SV2C: variants seen among roughly 807,000 people sequenced by gnomAD.
The protein encoded by SV2C is solute carrier family 22 member B3.
SV2C carries 49 observed loss-of-function variants against 79.7 expected under a neutral mutation model. That is an observed-to-expected ratio of 0.61 (90% CI 0.49 to 0.78). The LOEUF (loss-of-function observed/expected upper bound fraction) is 0.78, where lower values mean the gene tolerates loss of function less well. SV2C is among the 30% of genes least tolerant of loss of function. The probability of loss-of-function intolerance (pLI) is 0.00; values close to 1 mark genes in which losing one functional copy is unlikely to be tolerated. For synonymous variants in SV2C, 334 were observed against 333.2 expected, an observed-to-expected ratio of 1.00 and a Z score of -0.03; for missense variants, 833 against 912.9, an observed-to-expected ratio of 0.91 and a Z score of 1.13.
At chr5:76,256,865 TA>T (rs759632808) in intron 4 of SV2C, among the ~76,000 whole-genome samples, 22 of 152,374 alleles carry the variant, frequency 1.4e-4, no homozygotes, top group South Asian at 4.1e-4. Flanking sequence ...AAAAACTTGT[TA>T]AACAGACTTA....
chr5:75,973,886 C>G, the SV2C span, among the ~76,000 whole-genome samples: 1 of 151,864 alleles, frequency 6.6e-6, no homozygotes, highest in East Asian at 1.9e-4. Context: ...ATTTCTGCCT[C>G]AAAACATCTA....
intron 2 of SV2C, among the ~76,000 whole-genome samples, chr5:76,160,773 T>C (rs909396094): frequency 6.6e-6 from 1 of 152,166 alleles, no homozygotes; most frequent in African/African-American, 2.4e-5. Context: ...AATAAGCACA[T>C]GAGAAGATGC....
chr5:76,102,605 C>T (rs1172794463), intron 1 of SV2C, among the ~76,000 whole-genome samples: 1 of 152,184 alleles, frequency 6.6e-6, no homozygotes, highest in Non-Finnish European at 1.5e-5. Flanking sequence ...GGCATAATCC[C>T]AGAGAACACA....
At chr5:76,057,235 GTTTTT>G in the SV2C span, among the ~76,000 whole-genome samples, 1 of 150,756 alleles carries the variant, frequency 6.6e-6, no homozygotes, top group African/African-American at 2.4e-5. Flanking sequence ...TAAGTTTTTT[GTTTTT>G]TTTTATACTT....
At chr5:76,245,911 A>AGTGTGT (rs58481475) in intron 4 of SV2C, among the ~76,000 whole-genome samples, 38 of 145,376 alleles carry the variant, frequency 2.6e-4, no homozygotes, top group African/African-American at 8.5e-4. Flanking sequence ...GAGGCAGGGG[A>AGTGTGT]GTGTGTGTGT....
chr5:75,978,508 T>C, the SV2C span, among the ~76,000 whole-genome samples: 1 of 152,222 alleles, frequency 6.6e-6, no homozygotes, highest in Non-Finnish European at 1.5e-5. Flanking sequence ...GCATTTGAAA[T>C]TGGGCTGTGT....
At chr5:75,850,673 A>G in the SV2C span, among the ~76,000 whole-genome samples, 1 of 152,162 alleles carries the variant, frequency 6.6e-6, no homozygotes, top group East Asian at 1.9e-4. Flanking sequence ...AAAAGAATTT[A>G]CCGAGACAAT....
chr5:76,298,507 A>G (rs1306309137), intron 9 of SV2C, among the ~76,000 whole-genome samples: 2 of 152,218 alleles, frequency 1.3e-5, no homozygotes, highest in African/African-American at 4.8e-5. Context: ...CTTCAGTTGC[A>G]TACCCCACAA....
intron 2 of SV2C, among the ~76,000 whole-genome samples, chr5:76,190,839 T>G (rs749800743): frequency 6.6e-6 from 1 of 152,246 alleles, no homozygotes; most frequent in Non-Finnish European, 1.5e-5. Context: ...TATTATTCTT[T>G]TCAACCATTT....
At chr5:75,943,151 CAA>C in the SV2C span, among the ~76,000 whole-genome samples, 1 of 152,152 alleles carries the variant, frequency 6.6e-6, no homozygotes, top group Non-Finnish European at 1.5e-5. Context: ...TGAAAGATAA[CAA>C]AGAGTGGGGT....
intron 1 of SV2C, among the ~76,000 whole-genome samples, chr5:76,119,567 A>G (rs1405773888): frequency 1.3e-5 from 2 of 152,078 alleles, no homozygotes; most frequent in Non-Finnish European, 2.9e-5. Flanking sequence ...AATATCACCC[A>G]CCTGAAATGG....
In SV2C at chr5:76,132,306, C is replaced by A; in HGVS notation, c.556C>A (p.Pro186Thr). Residue 186 changes from proline to threonine, a missense_variant, in exon 2 of 13, where the codon CCA (proline) becomes ACA (threonine). By Grantham distance (38) the Pro-to-Thr change is conservative. Coordinates refer to ENST00000502798, the MANE Select transcript of SV2C (RefSeq NM_014979.4). ...CAGTGCTGAGACAGACCTCTGCATC[C>A]CAAATTCAGGATCTGGATGGCTAGG... Reference protein sequence around the residue: ...LPSAETDLCIPNSGSGWLGSI... With the variant: ...LPSAETDLCITNSGSGWLGSI... 1 of 1,611,320 alleles carries A rather than the reference C, an allele frequency of 6.2e-7. No homozygotes were observed. The highest frequency in any genetic ancestry group is 8.5e-7 in the Non-Finnish European group (1 of 1,178,286).
At chr5:76,128,768 A>G (rs901555957) in intron 1 of SV2C, among the ~76,000 whole-genome samples, 12 of 152,240 alleles carry the variant, frequency 7.9e-5, no homozygotes, top group African/African-American at 2.9e-4. Context: ...AAAGTCTGAC[A>G]TATATTATGT....
the SV2C span, among the ~76,000 whole-genome samples, chr5:75,994,209 A>G: frequency 6.6e-6 from 1 of 152,108 alleles, no homozygotes; most frequent in African/African-American, 2.4e-5. Flanking sequence ...TATGTGATCA[A>G]TTTAGGAAGA....
intron 2 of SV2C, among the ~76,000 whole-genome samples, chr5:76,186,737 A>G (rs937565792): frequency 3.3e-5 from 5 of 152,034 alleles, no homozygotes; most frequent in African/African-American, 1.2e-4. Flanking sequence ...TTCCACAGGG[A>G]TGGGGAGGCC....
intron 6 of SV2C, among the ~76,000 whole-genome samples, chr5:76,289,458 T>C (rs1747473890): frequency 6.6e-6 from 1 of 152,176 alleles, no homozygotes; most frequent in African/African-American, 2.4e-5. Context: ...TCTTTAAATC[T>C]GAATTTATCA....
At chr5:76,281,026 C>G in intron 4 of SV2C, 1 of 540,634 alleles carries the variant, frequency 1.8e-6, no homozygotes, top group Non-Finnish European at 3.8e-6. Context: ...AGTATCTTAG[C>G]CCAAGTTCTA....
the SV2C span, among the ~76,000 whole-genome samples, chr5:75,984,545 CTATCTATCTATCTATCTATCTA>C: frequency 6.7e-5 from 2 of 30,014 alleles, no homozygotes; most frequent in Non-Finnish European, 7.8e-5. Flanking sequence ...GCCTATCTAT[CTATCTATCTATCTATCTATCTA>C]TATCTATCTA....
intron 2 of SV2C, among the ~76,000 whole-genome samples, chr5:76,177,051 C>T (rs925476202): frequency 4.0e-5 from 6 of 150,782 alleles, no homozygotes; most frequent in Non-Finnish European, 8.9e-5. Flanking sequence ...GGAGGCAGAG[C>T]TTGCAGTGAG....
Sources: allele counts gnomAD v4.1 joint callset (sites outside exome capture counted in the v4.1 genomes callset), GRCh38; gene constraint gnomAD v4.1.1; transcripts MANE v1.5; gene names NCBI Gene and HGNC (gene_info 2026-07-23, HGNC 2026-07-21).